Variants in KDM5B observed in about 807,000 individuals in gnomAD.
KDM5B encodes lysine demethylase 5B.
Under a neutral mutation model 193.4 loss-of-function variants are expected in KDM5B, and 144 were observed. The ratio of observed to expected loss-of-function variants is 0.74; its 90% CI spans 0.65 to 0.86. KDM5B has a LOEUF of 0.86. Ranked by LOEUF, KDM5B falls within the 40% of genes least tolerant of loss-of-function variation. KDM5B has a pLI of 0.00. For synonymous variants in KDM5B, 668 were observed against 682.6 expected, an observed-to-expected ratio of 0.98 and a Z score of 0.33; for missense variants, 1,833 against 1,886.9, an observed-to-expected ratio of 0.97 and a Z score of 0.53.
At position 202,731,947 on chromosome 1, in the gene KDM5B, A is replaced by T. The variant is rs1406905202; in HGVS notation, c.3910-8T>A. 3.2e-6 allele frequency: 5 copies of T among 1,552,296 alleles called. No individual in the cohort carries two copies. The highest frequency in any genetic ancestry group is 4.4e-6 in the Non-Finnish European group (5 of 1,132,702). On this transcript the variant is annotated splice_region_variant and splice_polypyrimidine_tract_variant and intron_variant, in intron 23 of 26. Transcript: ENST00000367265. Reference sequence around the variant, plus strand: ...GCCAGGAGGTTGAGATACCTAATGGAGGGAAAACGTTTTATAATAAAATCT... The same window carrying T: ...GCCAGGAGGTTGAGATACCTAATGGTGGGAAAACGTTTTATAATAAAATCT...
chr1:202,748,022 A>T (rs1037164090), intron 14 of KDM5B, among the ~76,000 whole-genome samples: 1 of 152,226 alleles, frequency 6.6e-6, no homozygotes, highest in South Asian at 2.1e-4. Context: ...TTAGAAAGCT[A>T]CAATAATCAA....
intron 21 of KDM5B, 115 bp downstream of exon 21, chr1:202,736,098 G>T: frequency 1.4e-6 from 1 of 736,408 alleles, no homozygotes; most frequent in Non-Finnish European, 2.0e-6. Context: ...TTTACGGGAA[G>T]AACAACTCAC....
chr1:202,801,485 T>C (rs1391424594), intron 1 of KDM5B, among the ~76,000 whole-genome samples: 2 of 152,234 alleles, frequency 1.3e-5, no homozygotes, highest in East Asian at 1.9e-4. Flanking sequence ...CTCACTGTCC[T>C]AGAGACATCT....
At chr1:202,732,390 A>G (rs530984504) in intron 23 of KDM5B, among the ~76,000 whole-genome samples, 38 of 152,094 alleles carry the variant, frequency 2.5e-4, no homozygotes, top group African/African-American at 9.2e-4. Context: ...TAGGGGAAAC[A>G]CTCCTTTGAC....
chr1:202,731,093 TAAC>T (rs1283919677), intron 24 of KDM5B, 30 bp from the exon 25 acceptor site: 14 of 1,560,074 alleles, frequency 9.0e-6, no homozygotes, highest in Non-Finnish European at 4.4e-6. Flanking sequence ...ATCAAAATGA[TAAC>T]AACAAAGGGT....
intron 1 of KDM5B, among the ~76,000 whole-genome samples, chr1:202,803,535 A>T (rs189003101): frequency 2.0e-5 from 3 of 152,114 alleles, no homozygotes; most frequent in Non-Finnish European, 2.9e-5. Context: ...TAAGGTAGAC[A>T]TTTGTGGCCT....
At chr1:202,746,114 A>G (rs1480711239) in intron 15 of KDM5B, 28 bp downstream of exon 15, 4 of 1,389,758 alleles carry the variant, frequency 2.9e-6, no homozygotes, top group Non-Finnish European at 2.0e-6. Context: ...TGTTTTCCAT[A>G]GGAAAAAAAA....
chr1:202,773,111 A>G lies in KDM5B; in HGVS notation c.576+7T>C, dbSNP rs746889096. On this transcript the variant is annotated splice_region_variant and intron_variant, in intron 4 of 26. Coordinates refer to ENST00000367265, the MANE Select transcript of KDM5B (RefSeq NM_006618.5). ...TAAAACAGGTTAAGGCTAGCCCCCA[A>G]ACTTACCCTTAGGCTGTCTCCGGAC... is the stretch of plus-strand genomic sequence containing the variant. The G allele has an allele frequency of 1.5e-5, 24 of 1,600,454 alleles. No homozygotes were observed. Among genetic ancestry groups the G allele is most frequent in the African/African-American group, 2.7e-5 (2 of 74,616 alleles).
At chr1:202,784,667 C>T (rs954577010) in intron 1 of KDM5B, among the ~76,000 whole-genome samples, 7 of 152,136 alleles carry the variant, frequency 4.6e-5, no homozygotes, top group Non-Finnish European at 8.8e-5. Context: ...TATTTATGAG[C>T]CCCTGATGGA....
In KDM5B at chr1:202,741,631, A is replaced by T; in HGVS notation, c.2681T>A (p.Leu894Gln). ...TPSAAELQDL[L>Q]DVSFEFDVEL... ...AACATCAAATTCAAAGCTGACATCT[A>T]GCAAGTCCTGCAGCTCCGCAGCACT... Residue 894 changes from leucine to glutamine, a missense_variant, in exon 19 of 27, where the codon CTA (leucine) becomes CAA (glutamine). Leu to Gln is a moderately radical substitution (Grantham distance 113, BLOSUM62 -2). This residue lies in a region of KDM5B where 1,379 missense variants were observed against 1,349.6 expected (regional missense o/e 1.02). Coordinates refer to ENST00000367265, the MANE Select transcript of KDM5B (RefSeq NM_006618.5). 1 of 1,614,204 alleles carries T rather than the reference A, an allele frequency of 6.2e-7. No individual in the cohort carries two copies. The highest frequency in any genetic ancestry group is 8.5e-7 in the Non-Finnish European group (1 of 1,180,006).
At position 202,740,769 on chromosome 1, in the gene KDM5B, T is replaced by C. The variant is rs1655304432; in HGVS notation, c.2989A>G (p.Ile997Val). ...LNSLATAVKEIEEIPAYLPNG... is the reference protein window; with the variant it reads ...LNSLATAVKEVEEIPAYLPNG... ...GGCAGATATGCAGGGATCTCTTCGA[T>C]TTCCTTTACTGCCGTAGCAAGGCTA... Residue 997 changes from isoleucine to valine, a missense_variant, in exon 20 of 27, where the codon ATC (isoleucine) becomes GTC (valine). Ile to Val is a conservative substitution (Grantham distance 29, BLOSUM62 3). Transcript: ENST00000367265. 1 of 1,612,946 alleles carries C rather than the reference T, an allele frequency of 6.2e-7. No homozygotes were observed.
At chr1:202,802,743 C>A (rs1658127521) in intron 1 of KDM5B, among the ~76,000 whole-genome samples, 1 of 152,108 alleles carries the variant, frequency 6.6e-6, no homozygotes, top group South Asian at 2.1e-4. Context: ...GATTTCTACC[C>A]ACTTATAAAT....
chr1:202,767,150 T>C, intron 4 of KDM5B, 90 bp from the exon 5 acceptor site: 1 of 1,587,552 alleles, frequency 6.3e-7, no homozygotes, highest in Non-Finnish European at 8.6e-7. Flanking sequence ...GCCACATGAG[T>C]TCGAGTTTGA....
At chr1:202,778,139 C>T (rs1657039605) in intron 1 of KDM5B, among the ~76,000 whole-genome samples, 1 of 151,732 alleles carries the variant, frequency 6.6e-6, no homozygotes, top group South Asian at 2.1e-4. Context: ...CGCGCCATTG[C>T]ACTCCAACCT....
intron 3 of KDM5B, 25 bp downstream of exon 3, chr1:202,774,588 A>G: frequency 6.3e-7 from 1 of 1,586,836 alleles, no homozygotes. Context: ...TTATAAAATA[A>G]GTAAGATGGT....
chr1:202,795,329 T>C (rs1657799137), intron 1 of KDM5B, among the ~76,000 whole-genome samples: 1 of 152,144 alleles, frequency 6.6e-6, no homozygotes, highest in African/African-American at 2.4e-5. Flanking sequence ...ACAAATTCTA[T>C]CCGTGGTTTT....
intron 11 of KDM5B, among the ~76,000 whole-genome samples, chr1:202,754,479 A>G (rs61822780): frequency 0.042 from 6,450 of 152,242 alleles, 348 homozygotes; most frequent in East Asian, 0.25. Flanking sequence ...GCACACCAAG[A>G]TAAGGCTCAC....
intron 1 of KDM5B, among the ~76,000 whole-genome samples, chr1:202,782,952 G>C (rs1194734569): frequency 2.0e-5 from 3 of 152,174 alleles, no homozygotes; most frequent in East Asian, 3.9e-4. Context: ...GGGAGCTCAA[G>C]ACCAACCTGG....
chr1:202,766,576 C>T (rs922299404), intron 5 of KDM5B: 2 of 422,312 alleles, frequency 4.7e-6, no homozygotes, highest in Admixed American at 6.8e-5. Flanking sequence ...AAAAAAACTC[C>T]TAATCTTCAT....
Sources: allele counts gnomAD v4.1 joint callset (sites outside exome capture counted in the v4.1 genomes callset), GRCh38; gene constraint gnomAD v4.1.1; regional missense constraint gnomAD v4.1.1; transcripts MANE v1.5; gene names NCBI Gene and HGNC (gene_info 2026-07-23, HGNC 2026-07-21).